PCDH9: variants seen among roughly 807,000 people sequenced by gnomAD.
PCDH9 encodes the protein protocadherin-9.
PCDH9 carries 24 observed loss-of-function variants against 70.6 expected under a neutral mutation model. That is an observed-to-expected ratio of 0.34 (90% CI 0.25 to 0.48). PCDH9 has a LOEUF of 0.48. Among genes scored for constraint, PCDH9 ranks in the 20% least tolerant of loss-of-function variants. PCDH9 has a pLI of 0.99. For synonymous variants in PCDH9, 562 were observed against 558.5 expected, an observed-to-expected ratio of 1.01 and a Z score of -0.09; for missense variants, 1,281 against 1,503.6, an observed-to-expected ratio of 0.85 and a Z score of 2.45.
At chr13:67,059,580 C>A (rs897851954) in intron 2 of PCDH9, among the ~76,000 whole-genome samples, 3 of 151,358 alleles carry the variant, frequency 2.0e-5, no homozygotes, top group African/African-American at 7.3e-5. Flanking sequence ...AGTCATGTGG[C>A]CGTCTTGGGA....
intron 3 of PCDH9, among the ~76,000 whole-genome samples, chr13:66,761,355 A>G (rs569732671): frequency 9.2e-5 from 14 of 152,268 alleles, no homozygotes; most frequent in South Asian, 2.1e-4. Flanking sequence ...GGCTCCCCCA[A>G]TAGTTGGACA....
intron 2 of PCDH9, among the ~76,000 whole-genome samples, chr13:67,141,935 G>A (rs144576993): frequency 3.4e-4 from 51 of 151,894 alleles, no homozygotes; most frequent in African/African-American, 1.2e-3. Flanking sequence ...TTTCATCGTC[G>A]GTAAGAGTCG....
rs574332204 is a variant in PCDH9, at chr13:66,938,826, A to C, written c.3037-35221T>G. Among the ~76,000 whole-genome samples the C allele has an allele frequency of 8.5e-5, 13 of 152,288 alleles. No individual in the cohort carries two copies. The East Asian group carries it at 2.5e-3, about 29-fold the overall frequency. ...ATTTTTTACTTGTCCGTCTACATGC[A>C]AACTTCATATATGTAGATCATTTTA... is the stretch of plus-strand genomic sequence containing the variant. On this transcript the variant is annotated intron_variant, in intron 2 of 4. Transcript: ENST00000377865.
At chr13:66,756,146 C>T (rs2079535430) in intron 3 of PCDH9, among the ~76,000 whole-genome samples, 1 of 152,056 alleles carries the variant, frequency 6.6e-6, no homozygotes, top group African/African-American at 2.4e-5. Flanking sequence ...AATTAAGTAC[C>T]TATTGTGAGC....
intron 2 of PCDH9, among the ~76,000 whole-genome samples, chr13:67,022,106 CTTTTTTTTTTTTTTTTTTTTTTTT>C (rs71110623): frequency 8.5e-5 from 3 of 35,370 alleles, no homozygotes; most frequent in African/African-American, 3.9e-4. Flanking sequence ...AGGTGATGTT[CTTTTTTTTTTTTTTTTTTTTTTTT>C]TTTTTTTTTT....
intron 2 of PCDH9, among the ~76,000 whole-genome samples, chr13:66,934,473 G>A (rs2082871626): frequency 1.3e-5 from 2 of 148,652 alleles, no homozygotes; most frequent in South Asian, 4.2e-4. Flanking sequence ...CCCGGGAGCC[G>A]GAGGTTGCAG....
At chr13:66,513,160 T>A (rs1036709268) in intron 4 of PCDH9, among the ~76,000 whole-genome samples, 3 of 149,904 alleles carry the variant, frequency 2.0e-5, no homozygotes, top group Non-Finnish European at 4.4e-5. Flanking sequence ...GTAAACAGAC[T>A]AATCTATTTC....
chr13:66,969,823 G>T (rs2083488985), intron 2 of PCDH9, among the ~76,000 whole-genome samples: 1 of 151,928 alleles, frequency 6.6e-6, no homozygotes. Flanking sequence ...AATCTGAAAT[G>T]GGACATGTAT....
At chr13:66,575,685 A>C (rs1240212728) in intron 4 of PCDH9, among the ~76,000 whole-genome samples, 8 of 152,134 alleles carry the variant, frequency 5.3e-5, no homozygotes, top group Non-Finnish European at 1.0e-4. Flanking sequence ...TTTAGGTTTT[A>C]GCTAAGATAT....
chr13:66,763,945 C>T (rs1389287135), intron 3 of PCDH9, among the ~76,000 whole-genome samples: 1 of 151,736 alleles, frequency 6.6e-6, no homozygotes, highest in Non-Finnish European at 1.5e-5. Flanking sequence ...ATTACAGGTG[C>T]CCACCACAAC....
chr13:67,123,263 C>G (rs540546392), intron 2 of PCDH9, among the ~76,000 whole-genome samples: 1 of 152,254 alleles, frequency 6.6e-6, no homozygotes, highest in Admixed American at 6.5e-5. Context: ...TTCAAATTTA[C>G]TTATATGGCA....
At chr13:66,706,534 T>C (rs1318015828) in intron 3 of PCDH9, among the ~76,000 whole-genome samples, 1 of 152,216 alleles carries the variant, frequency 6.6e-6, no homozygotes, top group Middle Eastern at 3.2e-3. Context: ...TGACATTAAC[T>C]GCTAGCAGCT....
At chr13:66,735,744 A>G (rs565623356) in intron 3 of PCDH9, among the ~76,000 whole-genome samples, 2 of 152,210 alleles carry the variant, frequency 1.3e-5, no homozygotes, top group South Asian at 4.2e-4. Context: ...TGGGCAAATC[A>G]CCTGAGGTAA....
intron 4 of PCDH9, among the ~76,000 whole-genome samples, chr13:66,481,794 C>G (rs80308618): frequency 6.6e-6 from 1 of 152,040 alleles, no homozygotes; most frequent in East Asian, 1.9e-4. Context: ...CAATTATTTT[C>G]TCTTGCTACC....
intron 4 of PCDH9, among the ~76,000 whole-genome samples, chr13:66,425,746 G>A (rs924036568): frequency 6.6e-6 from 1 of 151,592 alleles, no homozygotes; most frequent in African/African-American, 2.4e-5. Context: ...TGGAAAAACA[G>A]TTTTTATACA....
At chr13:66,712,429 T>C (rs1349168052) in intron 3 of PCDH9, among the ~76,000 whole-genome samples, 1 of 152,182 alleles carries the variant, frequency 6.6e-6, no homozygotes, top group Non-Finnish European at 1.5e-5. Flanking sequence ...GAGTATTTAT[T>C]TTCCATAAAA....
chr13:66,605,224 CA>C (rs1464896617), intron 4 of PCDH9, among the ~76,000 whole-genome samples: 3 of 151,896 alleles, frequency 2.0e-5, no homozygotes, highest in Non-Finnish European at 4.4e-5. Flanking sequence ...AAATACCTGG[CA>C]AAAATAATAT....
chr13:66,308,525 G>T (rs1216613104), intron 4 of PCDH9, among the ~76,000 whole-genome samples: 8 of 152,044 alleles, frequency 5.3e-5, no homozygotes, highest in Non-Finnish European at 1.2e-4. Context: ...ATGAAAGGCA[G>T]AATTTTTTTG....
At chr13:66,455,154 T>C (rs1958293448) in intron 4 of PCDH9, among the ~76,000 whole-genome samples, 1 of 152,002 alleles carries the variant, frequency 6.6e-6, no homozygotes, top group Non-Finnish European at 1.5e-5. Context: ...AATTCAATCA[T>C]AAAACAATAA....
Sources: allele counts gnomAD v4.1 joint callset (sites outside exome capture counted in the v4.1 genomes callset), GRCh38; gene constraint gnomAD v4.1.1; transcripts MANE v1.5; gene names NCBI Gene and HGNC (gene_info 2026-07-23, HGNC 2026-07-21).